SLC49A3: variants seen among roughly 807,000 people sequenced by gnomAD.
SLC49A3 encodes solute carrier family 49 member A3.
SLC49A3 carries 50 observed loss-of-function variants against 43.8 expected under a neutral mutation model. That is an observed-to-expected ratio of 1.14 (90% CI 0.91 to 1.45). SLC49A3 has a LOEUF of 1.45. Among genes scored for constraint, SLC49A3 ranks in the 40% most tolerant of loss-of-function variants. SLC49A3 has a pLI of 0.00. For missense variants in SLC49A3, 906 were observed against 774.1 expected (o/e 1.17, Z -2.02); for synonymous variants, 413 against 352.0 (o/e 1.17, Z -1.94).
At chr4:688,753 G>A (rs1369126645) in intron 1 of SLC49A3, 2 of 518,816 alleles carry the variant, frequency 3.9e-6, no homozygotes, top group Non-Finnish European at 6.4e-6. Context: ...GGCTGGGAAG[G>A]GCTGGGACTC....
At chr4:682,420 G>A (rs1739936770) in intron 9 of SLC49A3, 44 bp from the exon 10 acceptor site, 2 of 1,315,424 alleles carry the variant, frequency 1.5e-6, no homozygotes, top group South Asian at 2.9e-5. Context: ...AAGCCCAGGG[G>A]CCACAGATGG....
At chr4:681,638 C>T (rs1345766014), downstream of SLC49A3, among the ~76,000 whole-genome samples, 1 of 64,748 alleles carries the variant, frequency 1.5e-5, no homozygotes, top group Non-Finnish European at 3.1e-5. Flanking sequence ...CCCTCCAGCG[C>T]CGCCCCGCCC....
At chr4:683,587 C>T in intron 7 of SLC49A3, 22 bp downstream of exon 7, 1 of 1,507,712 alleles carries the variant, frequency 6.6e-7, no homozygotes, top group Non-Finnish European at 9.1e-7. Flanking sequence ...ACAGGGCAGT[C>T]TTGGCTTGAG....
At chr4:681,041 G>C, downstream of SLC49A3, 1 of 1,559,824 alleles carries the variant, frequency 6.4e-7, no homozygotes, top group South Asian at 1.2e-5. Context: ...CCACCGAGAA[G>C]GCTCCTGCAC....
At chr4:688,541 G>A (rs890244252) in intron 1 of SLC49A3, among the ~76,000 whole-genome samples, 1 of 152,216 alleles carries the variant, frequency 6.6e-6, no homozygotes, top group Non-Finnish European at 1.5e-5. Context: ...ACACCTGAAG[G>A]GGGTGGGGGC....
At chr4:682,759 G>C in intron 9 of SLC49A3, 22 bp downstream of exon 9, 1 of 1,526,394 alleles carries the variant, frequency 6.6e-7, no homozygotes, top group East Asian at 2.4e-5. Flanking sequence ...TGTTCCCTGG[G>C]GACTCCCCAT....
In SLC49A3 at chr4:682,106, C is replaced by T. The variant is rs1035778362; in HGVS notation, c.1532G>A (p.Cys511Tyr). The change falls in exon 10 of 10, where the codon TGC (cysteine) becomes TAC (tyrosine). Residue 511 changes from cysteine (C) to tyrosine (Y), a missense_variant. Coordinates refer to ENST00000322224, the MANE Select transcript of SLC49A3 (RefSeq NM_032219.4). ...PRGPGSPHPA[C>Y]HRATPRAQGP... The stretch of plus-strand genomic sequence containing the variant: ...TTGCGCACGGGGAGTCGCTCGGTGG[C>T]AGGCTGGGTGGGGGCTCCCGGGCCC... The T allele has an allele frequency of 7.3e-7, 1 of 1,373,136 alleles. No homozygotes were observed. Among genetic ancestry groups the T allele is most frequent in the Non-Finnish European group, 9.5e-7 (1 of 1,051,930 alleles). 85.1% of individuals were successfully genotyped at this position (1,373,136 alleles called of 1,614,324 possible).
rs368251685 is a variant in SLC49A3 at position 682,255 on chromosome 4, G to A, written c.1383C>T (p.Ala461=). 37 of 1,379,932 alleles carry A rather than the reference G, an allele frequency of 2.7e-5. No individual in the cohort carries two copies. The highest frequency in any genetic ancestry group is 4.1e-4 in the Middle Eastern group (2 of 4,906). 85.5% of individuals were successfully genotyped at this position (1,379,932 alleles called of 1,614,324 possible). ...CCGGCCCTGAGTCTGCGCCGCCCAC[G>A]GCGTTACGGGTGGAGGGGGGCTCCC... ...ESGEPPSTRN[A]VGGADSGPGV... is the part of the protein sequence containing the mutation. The change falls in exon 10 of 10, where the codon GCC becomes GCT. Residue 461 remains alanine (A), a synonymous_variant. Coordinates refer to ENST00000322224, the MANE Select transcript of SLC49A3 (RefSeq NM_032219.4).
rs559746381 is a variant in SLC49A3 at position 682,007 on chromosome 4, T to A, written c.1631A>T (p.Asp544Val). 4 of 1,419,974 alleles carry A rather than the reference T, an allele frequency of 2.8e-6. No individual in the cohort carries two copies. The African/African-American group carries it at 5.9e-5, about 21-fold the overall frequency. The allele number at this position is 1,419,974 out of a possible 1,614,324, so 88.0% of individuals were successfully genotyped here. A position where few individuals can be genotyped will look rare whatever the true frequency, so the allele number is the denominator to read the frequency against. The change falls in exon 10 of 10, where the codon GAC (aspartate) becomes GTC (valine). Residue 544 changes from aspartate to valine, a missense_variant. Asp to Val is a radical substitution (Grantham distance 152). Transcript: ENST00000322224. ...GAAGGAGGAGTGAGACCCAGCCGGG[T>A]CAATAAACCTGGACGCTTGGACCCT... ...AGRVQASRFI[D>V]PAGSHSSFSS...
chr4:681,844 G>A lies in SLC49A3; in HGVS notation c.*114C>T. ...CCGGGGCCGCTGCAGGTGCGCGCTT[G>A]TAATTCGCTCCCGGAGCCCGCAAGG... is the stretch of plus-strand genomic sequence containing the variant. On this transcript the variant is annotated 3_prime_UTR_variant, in exon 10 of 10. Coordinates refer to ENST00000322224, the MANE Select transcript of SLC49A3 (RefSeq NM_032219.4). 7.7e-7 allele frequency: 1 copy of A among 1,298,530 alleles called. No homozygotes were observed. The highest frequency in any genetic ancestry group is 9.8e-7 in the Non-Finnish European group (1 of 1,015,644). The allele number at this position is 1,298,530 out of a possible 1,614,324, so 80.4% of individuals were successfully genotyped here.
chr4:686,336 C>A, intron 2 of SLC49A3, 34 bp from the exon 3 acceptor site: 1 of 1,605,950 alleles, frequency 6.2e-7, no homozygotes, highest in Non-Finnish European at 8.5e-7. Flanking sequence ...GGGTCAGGAA[C>A]GCTGCCACCA....
chr4:683,505 G>T, intron 7 of SLC49A3, 104 bp downstream of exon 7: 1 of 1,495,606 alleles, frequency 6.7e-7, no homozygotes, highest in South Asian at 1.3e-5. Flanking sequence ...GGCTGGGCAT[G>T]AGACAGTCCA....
chr4:678,791 G>T, downstream of SLC49A3: 1 of 1,607,762 alleles, frequency 6.2e-7, no homozygotes, highest in Non-Finnish European at 8.5e-7. Context: ...TTCACTGGGA[G>T]CCCCCACCCC....
At chr4:683,893 ACGCACCG>A in intron 6 of SLC49A3, 132 bp from the exon 7 acceptor site, 1 of 1,191,634 alleles carries the variant, frequency 8.4e-7, no homozygotes, top group Non-Finnish European at 1.1e-6. Context: ...CAGCTTCCAG[ACGCACCG>A]CTGGCTGCCT....
chr4:678,167 T>A (rs1430913569), downstream of SLC49A3: 3 of 1,542,170 alleles, frequency 1.9e-6, no homozygotes, highest in Non-Finnish European at 2.6e-6. Flanking sequence ...TCTGCCTGCA[T>A]ATGTGTGTGC....
Position 685,035 on chromosome 4 carries a change from G to C in SLC49A3, c.586-179C>G, listed in dbSNP as rs1280874805. 1.2e-6 allele frequency: 1 copy of C among 801,790 alleles called. No homozygotes were observed. The highest frequency in any genetic ancestry group is 1.8e-5 in the African/African-American group (1 of 56,822). 49.7% of individuals were successfully genotyped at this position (801,790 alleles called of 1,614,324 possible). On this transcript the variant is annotated intron_variant, in intron 4 of 9. Transcript: ENST00000322224. This position sits in a 1 kb window ranked among gnomAD's most constrained non-coding sequence, Gnocchi z 4.3. ...AGGCTGGGAGGGGCCTGCTCCAGGGGCTCATGGGGACCCCTGGCTGTCAAC... is the reference window on the plus strand; with the variant it reads ...AGGCTGGGAGGGGCCTGCTCCAGGGCCTCATGGGGACCCCTGGCTGTCAAC...
Position 689,068 on chromosome 4 carries a change from C to A in SLC49A3, c.60G>T (p.Gln20His). ...GLAEPRALCA[Q>H]RGHRTYARRW... ...GGCGCGCGTAGGTGCGGTGGCCCCG[C>A]TGCGCGCACAGGGCCCGGGGCTCGG... The change falls in exon 1 of 10, where the codon CAG (glutamine) becomes CAT (histidine). Residue 20 changes from glutamine (Q) to histidine (H), a missense_variant. Physicochemically the swap from Gln to His is conservative, Grantham distance 24 (BLOSUM62 0). Coordinates refer to ENST00000322224, the MANE Select transcript of SLC49A3 (RefSeq NM_032219.4). The A allele has an allele frequency of 6.4e-7, 1 of 1,573,024 alleles. No homozygotes were observed. Among genetic ancestry groups the A allele is most frequent in the Non-Finnish European group, 8.6e-7 (1 of 1,164,834 alleles).
chr4:690,719 G>A (rs1003914959), upstream of SLC49A3, among the ~76,000 whole-genome samples: 6 of 152,096 alleles, frequency 3.9e-5, no homozygotes, highest in Non-Finnish European at 5.9e-5. Context: ...ACCATGAAAC[G>A]GGGCAGCCAC....
chr4:680,161 C>CCCGTCAG (rs1739308659), downstream of SLC49A3: 3 of 823,008 alleles, frequency 3.6e-6, no homozygotes, highest in Non-Finnish European at 5.7e-6. Flanking sequence ...ACTGTGGGGC[C>CCCGTCAG]CCGTCAGCCA....
Sources: allele counts gnomAD v4.1 joint callset (sites outside exome capture counted in the v4.1 genomes callset), GRCh38; gene constraint gnomAD v4.1.1; non-coding constraint Gnocchi (gnomAD v3.1); transcripts MANE v1.5; gene names NCBI Gene and HGNC (gene_info 2026-07-23, HGNC 2026-07-21).